DPP10: variants seen among roughly 807,000 people sequenced by gnomAD.
DPP10 encodes dipeptidyl peptidase like 10, also known as inactive dipeptidyl peptidase 10.
DPP10 carries 33 observed loss-of-function variants against 120.9 expected under a neutral mutation model. That is an observed-to-expected ratio of 0.27 (90% CI 0.21 to 0.37). The LOEUF (loss-of-function observed/expected upper bound fraction) is 0.37, where lower values mean the gene tolerates loss of function less well. DPP10 is among the 10% of genes least tolerant of loss of function. The pLI, the probability that DPP10 is intolerant of heterozygous loss-of-function variation, is 1.00. For missense variants in DPP10, 816 were observed against 942.8 expected (o/e 0.87, Z 1.76); for synonymous variants, 337 against 326.1 (o/e 1.03, Z -0.36).
At chr2:115,175,750 A>G (rs1263403619) in intron 1 of DPP10, among the ~76,000 whole-genome samples, 3 of 152,036 alleles carry the variant, frequency 2.0e-5, no homozygotes, top group African/African-American at 7.3e-5. Context: ...CATGGCTATC[A>G]TGTTTAAACA....
intron 1 of DPP10, among the ~76,000 whole-genome samples, chr2:114,448,369 G>A (rs1355555116): frequency 6.6e-6 from 1 of 152,138 alleles, no homozygotes; most frequent in Non-Finnish European, 1.5e-5. Context: ...TGGTCAGTTA[G>A]TGAAGACATT....
chr2:115,238,340 C>A (rs1354530692), intron 1 of DPP10, among the ~76,000 whole-genome samples: 1 of 152,192 alleles, frequency 6.6e-6, no homozygotes, highest in African/African-American at 2.4e-5. Context: ...AAAGAAACAA[C>A]ATTTTCTGTC....
At chr2:115,263,335 C>G (rs912987575) in intron 1 of DPP10, among the ~76,000 whole-genome samples, 4 of 152,216 alleles carry the variant, frequency 2.6e-5, no homozygotes, top group African/African-American at 4.8e-5. Context: ...AAGCCCCACC[C>G]TTCCCCCTTG....
intron 1 of DPP10, among the ~76,000 whole-genome samples, chr2:114,462,291 G>A (rs1259187254): frequency 6.6e-6 from 1 of 152,106 alleles, no homozygotes; most frequent in Non-Finnish European, 1.5e-5. Flanking sequence ...AGGAATAAAC[G>A]TTGTGGCACA....
chr2:115,162,243 G>A, intron 1 of DPP10: 1 of 1,562,246 alleles, frequency 6.4e-7, no homozygotes, highest in Non-Finnish European at 8.7e-7. Flanking sequence ...GATGCGCAAG[G>A]TGGAGAGCCG....
chr2:115,068,595 G>T (rs1707118444), intron 1 of DPP10, among the ~76,000 whole-genome samples: 2 of 152,026 alleles, frequency 1.3e-5, no homozygotes, highest in East Asian at 1.9e-4. Context: ...GTCTATTTTT[G>T]ATTTTGTTGC....
intron 1 of DPP10, among the ~76,000 whole-genome samples, chr2:114,911,195 A>T (rs1447598155): frequency 6.6e-6 from 1 of 151,546 alleles, no homozygotes; most frequent in Non-Finnish European, 1.5e-5. Flanking sequence ...ATGTTCTCTT[A>T]TTTTTTTTCA....
intron 1 of DPP10, among the ~76,000 whole-genome samples, chr2:114,970,772 G>A (rs1699339244): frequency 6.6e-6 from 1 of 152,118 alleles, no homozygotes; most frequent in Non-Finnish European, 1.5e-5. Flanking sequence ...CCAACCCCAA[G>A]ATTATTGATC....
At chr2:115,501,190 A>T (rs993152831) in intron 4 of DPP10, among the ~76,000 whole-genome samples, 2 of 152,048 alleles carry the variant, frequency 1.3e-5, no homozygotes, top group African/African-American at 4.8e-5. Flanking sequence ...TTATTCTATT[A>T]TGTGGCTGTG....
intron 3 of DPP10, among the ~76,000 whole-genome samples, chr2:115,481,325 G>A (rs2075413813): frequency 6.6e-6 from 1 of 152,070 alleles, no homozygotes; most frequent in African/African-American, 2.4e-5. Context: ...TCATTTAATA[G>A]TGACTCTCTT....
chr2:114,501,601 C>G (rs1386926976), intron 1 of DPP10, among the ~76,000 whole-genome samples: 1 of 152,114 alleles, frequency 6.6e-6, no homozygotes, highest in African/African-American at 2.4e-5. Context: ...CGTTAGCAAT[C>G]CCCCAGGTGA....
chr2:115,428,546 G>A (rs1376849759), intron 3 of DPP10, among the ~76,000 whole-genome samples: 1 of 152,014 alleles, frequency 6.6e-6, no homozygotes, highest in Admixed American at 6.6e-5. Context: ...GGGGTTCAGG[G>A]GTAAGAGAGG....
At chr2:115,788,506 A>G (rs983284084) in intron 17 of DPP10, among the ~76,000 whole-genome samples, 5 of 152,186 alleles carry the variant, frequency 3.3e-5, no homozygotes, top group African/African-American at 1.2e-4. Flanking sequence ...AATTCTAGTG[A>G]GAGACATGAA....
chr2:114,469,830 T>C (rs984586366), intron 1 of DPP10, among the ~76,000 whole-genome samples: 3 of 152,206 alleles, frequency 2.0e-5, no homozygotes, highest in Non-Finnish European at 2.9e-5. Context: ...CACAGTGAGT[T>C]TGCAAGGAGC....
At chr2:115,188,879 A>G (rs928941496) in intron 1 of DPP10, among the ~76,000 whole-genome samples, 4 of 152,200 alleles carry the variant, frequency 2.6e-5, no homozygotes, top group African/African-American at 9.6e-5. Flanking sequence ...CTGTACGTCT[A>G]TTTGTAATAG....
chr2:114,545,844 G>A (rs898315357), intron 1 of DPP10, among the ~76,000 whole-genome samples: 14 of 152,110 alleles, frequency 9.2e-5, no homozygotes, highest in African/African-American at 2.4e-4. Flanking sequence ...TCTTTATACC[G>A]CAACCCATGG....
chr2:114,830,247 G>T (rs933922462), intron 1 of DPP10, among the ~76,000 whole-genome samples: 4 of 151,928 alleles, frequency 2.6e-5, no homozygotes, highest in African/African-American at 9.7e-5. Context: ...GGGCCATCGA[G>T]TACCCCCCTT....
At chr2:114,934,383 GAGAAA>G (rs1381770783) in intron 1 of DPP10, among the ~76,000 whole-genome samples, 1 of 152,084 alleles carries the variant, frequency 6.6e-6, no homozygotes, top group Non-Finnish European at 1.5e-5. Context: ...CTAGAGAGAA[GAGAAA>G]AGAAAATATT....
chr2:115,693,917 G>A (rs2149510293), intron 7 of DPP10, among the ~76,000 whole-genome samples: 1 of 152,106 alleles, frequency 6.6e-6, no homozygotes, highest in Admixed American at 6.5e-5. Flanking sequence ...ATAGTATCTG[G>A]CCTATAATAA....
Sources: gnomAD v4.1 joint callset for allele counts (sites outside exome capture counted in the v4.1 genomes callset) on GRCh38, gnomAD v4.1.1 for gene constraint, MANE v1.5 for transcripts, NCBI Gene and HGNC (gene_info 2026-07-23, HGNC 2026-07-21) for gene names.